Variants in CLIP2 observed in about 807,000 individuals in gnomAD.
CLIP2 encodes the protein CAP-Gly domain-containing linker protein 2.
A neutral mutation model predicts 111.7 loss-of-function variants in CLIP2; 41 were observed. The ratio of observed to expected loss-of-function variants is 0.37; its 90% CI spans 0.29 to 0.48. The LOEUF is 0.48. Ranked by LOEUF, CLIP2 falls within the 20% of genes least tolerant of loss-of-function variation. CLIP2 has a pLI of 0.99. For synonymous variants in CLIP2, 660 were observed against 644.2 expected (o/e 1.02, Z -0.37); for missense variants, 1,160 against 1,422.1 (o/e 0.82, Z 2.96).
chr7:74,317,655 A>G lies in CLIP2; in HGVS notation c.109A>G (p.Ser37Gly). The stretch of plus-strand genomic sequence containing the variant: ...TTCATCCTCGGCGGCGGTGGCCGCT[A>G]GCTCCAAGGAAGGTACGTGGCACAC... ...SASSSAAVAA[S>G]SKEGSPLHKQ... is the part of the protein sequence containing the mutation. Residue 37 changes from serine (S) to glycine (G), a missense_variant, in exon 2 of 17, where the codon AGC becomes GGC. Ser to Gly is a moderately conservative substitution (Grantham distance 56). Around this residue, in one of 5 missense-constraint regions of CLIP2, gnomAD observed 301 missense variants for 315.2 expected, o/e 0.96. Coordinates refer to ENST00000223398, the MANE Select transcript of CLIP2 (RefSeq NM_003388.5). 1.3e-6 allele frequency: 2 copies of G among 1,494,586 alleles called. No individual in the cohort carries two copies. The highest frequency in any genetic ancestry group is 5.2e-5 in the East Asian group (2 of 38,696). The allele number at this position is 1,494,586 out of a possible 1,614,324, so 92.6% of individuals were successfully genotyped here.
At chr7:74,302,486 C>T (rs1554726998) in intron 1 of CLIP2, among the ~76,000 whole-genome samples, 1 of 152,044 alleles carries the variant, frequency 6.6e-6, no homozygotes, top group African/African-American at 2.4e-5. Context: ...CCAGGCCTGG[C>T]CAGAAGATGC....
In CLIP2 at chr7:74,376,166, G is replaced by A. The variant is rs1554312780; in HGVS notation, c.1765G>A (p.Ala589Thr). Residue 589 changes from alanine (A) to threonine (T), a missense_variant, in exon 10 of 17, where the codon GCA (alanine) becomes ACA (threonine). Ala to Thr is a moderately conservative substitution (Grantham distance 58). This residue lies in a region of CLIP2 where 676 missense variants were observed against 777.8 expected (regional missense o/e 0.87). Transcript: ENST00000223398. The surrounding 1 kb of genome is among the most constrained non-coding windows in gnomAD (Gnocchi z 7.1). ...GCTCCGCGCGGCCAACGAGAAGTAC[G>A]CACAGGAGGTGGCGGGCCTGAAGGA... Reference protein sequence around the residue: ...DKLRAANEKYAQEVAGLKDKV... With the variant: ...DKLRAANEKYTQEVAGLKDKV... 6 of 1,611,266 alleles carry A rather than the reference G, an allele frequency of 3.7e-6. No individual in the cohort carries two copies. The highest frequency in any genetic ancestry group is 3.4e-5 in the Admixed American group (2 of 59,484).
rs1016784726 is a variant in CLIP2, at chr7:74,385,549, G to A, written c.2480-972G>A. ...TTTATAAATTAACTTGCAGAAGGTG[G>A]AGATGTTTCTGGGTACTTGGCATCC... On this transcript the variant is annotated intron_variant, in intron 11 of 16. Transcript: ENST00000223398. Among the ~76,000 whole-genome samples the A allele has an allele frequency of 2.0e-5, 3 of 151,806 alleles. No individual in the cohort carries two copies. In the South Asian group the frequency reaches 6.2e-4, roughly 32 times the overall value.
chr7:74,375,130 G>T (rs1207839743), intron 9 of CLIP2, among the ~76,000 whole-genome samples: 1 of 151,954 alleles, frequency 6.6e-6, no homozygotes, highest in Non-Finnish European at 1.5e-5. Context: ...TGCCCATAGA[G>T]TCCCAGCTGC....
intron 1 of CLIP2, among the ~76,000 whole-genome samples, chr7:74,298,090 A>G (rs895787558): frequency 6.6e-6 from 1 of 151,850 alleles, no homozygotes; most frequent in Non-Finnish European, 1.5e-5. Flanking sequence ...CACGCTTGCA[A>G]TCTCAGCGCT....
rs370065245 is a variant in CLIP2 at position 74,376,804 on chromosome 7, C to T, written c.2403C>T (p.Cys801=). ...ENRLQAVEAL[C]SSQHTHMIES... The stretch of plus-strand genomic sequence containing the variant: ...GACTCCAGGCGGTCGAGGCCCTGTG[C>T]TCCTCCCAGCACACCCACGTAGGCG... The change falls in exon 10 of 17, where the codon TGC becomes TGT. Residue 801 remains cysteine (C), a synonymous_variant. Transcript: ENST00000223398. The surrounding 1 kb of genome is among the most constrained non-coding windows in gnomAD (Gnocchi z 7.1). 1.2e-5 allele frequency: 19 copies of T among 1,599,418 alleles called. No individual in the cohort carries two copies. Among genetic ancestry groups the T allele is most frequent in the Non-Finnish European group, 1.6e-5 (19 of 1,173,796 alleles).
intron 6 of CLIP2, among the ~76,000 whole-genome samples, chr7:74,359,360 T>C (rs1790248500): frequency 6.7e-6 from 1 of 149,428 alleles, no homozygotes; most frequent in Non-Finnish European, 1.5e-5. Context: ...CTTTTTTTTT[T>C]TTTTCTTTTT....
At chr7:74,390,616 C>T (rs1205101667) in intron 13 of CLIP2, among the ~76,000 whole-genome samples, 7 of 152,040 alleles carry the variant, frequency 4.6e-5, no homozygotes, top group African/African-American at 1.7e-4. Flanking sequence ...TGCAGTGAGC[C>T]AAGGTCTTGC....
chr7:74,324,771 G>A (rs1789065940), intron 2 of CLIP2, among the ~76,000 whole-genome samples: 1 of 140,922 alleles, frequency 7.1e-6, no homozygotes, highest in South Asian at 2.4e-4. Context: ...CTCCAGGAGA[G>A]AGAAAGGGAG....
Position 74,317,645 on chromosome 7 carries a change from G to T in CLIP2, c.99G>T (p.Ala33=). ...TSTGSASSSA[A]VAASSKEGSP... is the part of the protein sequence containing the mutation. Reference sequence around the variant, plus strand: ...CTGGGTCAGCTTCATCCTCGGCGGCGGTGGCCGCTAGCTCCAAGGAAGGTA... The same window carrying T: ...CTGGGTCAGCTTCATCCTCGGCGGCTGTGGCCGCTAGCTCCAAGGAAGGTA... Residue 33 remains alanine, a synonymous_variant, in exon 2 of 17, where the codon GCG becomes GCT. Transcript: ENST00000223398. 6.6e-7 allele frequency: 1 copy of T among 1,511,536 alleles called. No homozygotes were observed. The allele number at this position is 1,511,536 out of a possible 1,614,324, so 93.6% of individuals were successfully genotyped here.
chr7:74,375,974 T>G lies in CLIP2; in HGVS notation c.1573T>G (p.Cys525Gly), dbSNP rs1554312706. The G allele has an allele frequency of 7.5e-6, 12 of 1,610,460 alleles. No individual in the cohort carries two copies. Among genetic ancestry groups the G allele is most frequent in the Non-Finnish European group, 1.0e-5 (12 of 1,179,054 alleles). ...RRGEIEELQQ[C>G]LLHSGPPPPD... ...AGGTGAAATCGAGGAGCTCCAGCAG[T>G]GCCTGTTGCACTCGGGTCCCCCACC... Residue 525 changes from cysteine to glycine, a missense_variant, in exon 10 of 17, where the codon TGC becomes GGC. Physicochemically the swap from Cys to Gly is radical, Grantham distance 159. Around this residue, in one of 5 missense-constraint regions of CLIP2, gnomAD observed 676 missense variants for 777.8 expected, o/e 0.87. Coordinates refer to ENST00000223398, the MANE Select transcript of CLIP2 (RefSeq NM_003388.5).
At chr7:74,308,103 C>T (rs528942340) in intron 1 of CLIP2, among the ~76,000 whole-genome samples, 1 of 152,198 alleles carries the variant, frequency 6.6e-6, no homozygotes, top group South Asian at 2.1e-4. Flanking sequence ...CTCTGTGGGC[C>T]GAAGGTCCTG....
intron 1 of CLIP2, among the ~76,000 whole-genome samples, chr7:74,312,154 C>T (rs984918913): frequency 2.6e-5 from 4 of 152,148 alleles, no homozygotes; most frequent in African/African-American, 9.7e-5. Flanking sequence ...GAGGCTGAAA[C>T]AGGAGAATCA....
chr7:74,400,149 C>CAAAAA (rs781818573), intron 14 of CLIP2, among the ~76,000 whole-genome samples: 1 of 55,532 alleles, frequency 1.8e-5, no homozygotes, highest in African/African-American at 6.4e-5. Context: ...GACTCTGTCT[C>CAAAAA]AAAAAAAAAA....
intron 2 of CLIP2, among the ~76,000 whole-genome samples, chr7:74,335,219 C>T (rs533225782): frequency 9.7e-4 from 132 of 136,048 alleles, no homozygotes; most frequent in Non-Finnish European, 1.6e-3. Context: ...TGGAGTGAGC[C>T]GAGATTGCAC....
intron 8 of CLIP2, among the ~76,000 whole-genome samples, chr7:74,371,920 A>G (rs1790637707): frequency 6.6e-6 from 1 of 152,152 alleles, no homozygotes; most frequent in African/African-American, 2.4e-5. Flanking sequence ...TCACCAATAG[A>G]CAAGCTTCCG....
intron 1 of CLIP2, among the ~76,000 whole-genome samples, chr7:74,311,172 G>C (rs1461575902): frequency 6.6e-6 from 1 of 151,986 alleles, no homozygotes; most frequent in African/African-American, 2.4e-5. Flanking sequence ...GTAGAGATGG[G>C]GTTTCACTGT....
intron 11 of CLIP2, among the ~76,000 whole-genome samples, chr7:74,385,122 CAAAAAAAA>C (rs71094780): frequency 9.7e-5 from 5 of 51,614 alleles, no homozygotes; most frequent in African/African-American, 2.9e-4. Context: ...ATTAAAAATA[CAAAAAAAA>C]AAAAAAAAAA....
intron 1 of CLIP2, among the ~76,000 whole-genome samples, chr7:74,304,849 G>A (rs1337111279): frequency 3.3e-5 from 5 of 152,084 alleles, no homozygotes; most frequent in Non-Finnish European, 5.9e-5. Context: ...GGAGGCTAAG[G>A]AAGGAGGATC....
Sources: gnomAD v4.1 joint callset for allele counts (sites outside exome capture counted in the v4.1 genomes callset) on GRCh38, gnomAD v4.1.1 for gene constraint, gnomAD v4.1.1 regional missense constraint, Gnocchi (gnomAD v3.1) non-coding constraint, MANE v1.5 for transcripts, NCBI Gene and HGNC (gene_info 2026-07-23, HGNC 2026-07-21) for gene names.